DICER1: variants seen among roughly 807,000 people sequenced by gnomAD.
DICER1 encodes the protein dicer 1, ribonuclease III, also known as endoribonuclease Dicer.
DICER1 carries 43 observed loss-of-function variants against 194.1 expected under a neutral mutation model. The observed-to-expected ratio is 0.22, with a 90% CI of 0.17 to 0.29. The LOEUF (loss-of-function observed/expected upper bound fraction) is 0.29. Ranked by LOEUF, DICER1 falls within the 10% of genes least tolerant of loss-of-function variation. The probability of loss-of-function intolerance (pLI) is 1.00; values close to 1 mark genes in which losing one functional copy is unlikely to be tolerated. For missense variants in DICER1, 1,608 were observed against 2,317.0 expected (o/e 0.69, Z 6.28); for synonymous variants, 832 against 820.5 (o/e 1.01, Z -0.24).
chr14:95,107,839 T>A, intron 16 of DICER1, 41 bp downstream of exon 16: 1 of 1,608,526 alleles, frequency 6.2e-7, no homozygotes, highest in South Asian at 1.1e-5. Context: ...TATGTTTGTA[T>A]ATGTGTCTAG....
intron 21 of DICER1, among the ~76,000 whole-genome samples, chr14:95,103,036 G>A (rs1891028323): frequency 6.6e-6 from 1 of 152,156 alleles, no homozygotes; most frequent in African/African-American, 2.4e-5. Context: ...ATCCCCCTCA[G>A]GATCAAGGGG....
intron 1 of DICER1, among the ~76,000 whole-genome samples, chr14:95,152,420 A>G (rs1269541911): frequency 2.0e-5 from 3 of 152,268 alleles, no homozygotes; most frequent in Non-Finnish European, 4.4e-5. Context: ...TTCAAAAAGT[A>G]TTATAAATTA....
At chr14:95,122,126 T>C (rs937716351) in intron 8 of DICER1, among the ~76,000 whole-genome samples, 2 of 152,206 alleles carry the variant, frequency 1.3e-5, no homozygotes, top group Non-Finnish European at 2.9e-5. Flanking sequence ...TGATTCATCA[T>C]ACAGCACTAA....
intron 1 of DICER1, among the ~76,000 whole-genome samples, chr14:95,138,217 G>A (rs1293543274): frequency 6.7e-6 from 1 of 148,424 alleles, no homozygotes; most frequent in Non-Finnish European, 1.5e-5. Flanking sequence ...TTTTTTCTTA[G>A]CAAACACAAC....
At chr14:95,154,174 C>T (rs572003936) in intron 1 of DICER1, among the ~76,000 whole-genome samples, 6 of 152,270 alleles carry the variant, frequency 3.9e-5, no homozygotes, top group African/African-American at 1.4e-4. Context: ...ATGATTGGAA[C>T]CAAGATCGTA....
At chr14:95,132,133 T>A (rs1365389289) in intron 3 of DICER1, among the ~76,000 whole-genome samples, 1 of 152,230 alleles carries the variant, frequency 6.6e-6, no homozygotes. Flanking sequence ...AAGCAGCATG[T>A]AACTTTATTA....
At position 95,113,136 on chromosome 14, in the gene DICER1, T is replaced by C. The variant is rs765014294; in HGVS notation, c.1996A>G (p.Thr666Ala). 1 of 1,613,608 alleles carries C rather than the reference T, an allele frequency of 6.2e-7. No individual in the cohort carries two copies. Among genetic ancestry groups the C allele is most frequent in the South Asian group, 1.1e-5 (1 of 91,068 alleles). Residue 666 changes from threonine (T) to alanine (A), a missense_variant, in exon 12 of 27, where the codon ACT becomes GCT. Transcript: ENST00000343455. Reference sequence around the variant, plus strand: ...GGTGAGTTAATTGGCAGATAAAGAGTTGAATAAAATGTACCATCAGGCAAC... The same window carrying C: ...GGTGAGTTAATTGGCAGATAAAGAGCTGAATAAAATGTACCATCAGGCAAC... ...RELPDGTFYS[T>A]LYLPINSPLR...
At chr14:95,122,072 T>C (rs532802915) in intron 8 of DICER1, among the ~76,000 whole-genome samples, 5 of 152,332 alleles carry the variant, frequency 3.3e-5, no homozygotes, top group African/African-American at 1.2e-4. Flanking sequence ...ACCTCTATTG[T>C]ATATTTAATT....
intron 5 of DICER1, 125 bp downstream of exon 5, chr14:95,129,933 T>A: frequency 2.4e-6 from 2 of 832,962 alleles, no homozygotes; most frequent in Non-Finnish European, 1.9e-6. Flanking sequence ...ATTCATTCAT[T>A]CATACACTGC....
intron 24 of DICER1, 55 bp from the exon 25 acceptor site, chr14:95,091,420 C>T (rs758254099): frequency 6.6e-7 from 1 of 1,518,330 alleles, no homozygotes; most frequent in Non-Finnish European, 9.1e-7. Flanking sequence ...TACAGGCAGT[C>T]CACAGATGTA....
intron 8 of DICER1, among the ~76,000 whole-genome samples, chr14:95,118,850 G>A (rs752192108): frequency 8.6e-5 from 13 of 151,826 alleles, no homozygotes; most frequent in African/African-American, 1.2e-4. Flanking sequence ...AGCTGGAAGT[G>A]GCCATCTAGA....
Position 95,124,684 on chromosome 14 carries a change from A to C in DICER1, c.904-16T>G. The stretch of plus-strand genomic sequence containing the variant: ...CTGATAGTATCTACAAAAAAAAGAA[A>C]AGAAAAAACCTAATGCCAAATAATA... On this transcript the variant is annotated splice_polypyrimidine_tract_variant and intron_variant, in intron 7 of 26. Coordinates refer to ENST00000343455, the MANE Select transcript of DICER1 (RefSeq NM_177438.3). This position sits in a 1 kb window ranked among gnomAD's most constrained non-coding sequence, Gnocchi z 4.5. 6.3e-7 allele frequency: 1 copy of C among 1,589,850 alleles called. No homozygotes were observed. The highest frequency in any genetic ancestry group is 1.1e-5 in the South Asian group (1 of 90,538).
At chr14:95,150,105 T>C (rs900386272) in intron 1 of DICER1, among the ~76,000 whole-genome samples, 2 of 152,226 alleles carry the variant, frequency 1.3e-5, no homozygotes, top group African/African-American at 4.8e-5. Context: ...AGAAACAATT[T>C]TAAAGTTCTT....
At chr14:95,095,602 G>T in intron 23 of DICER1, 1 of 584,422 alleles carries the variant, frequency 1.7e-6, no homozygotes, top group Non-Finnish European at 3.1e-6. Context: ...ACTGATGAGG[G>T]TATATGATAG....
chr14:95,112,476 T>A (rs1005416010), intron 12 of DICER1, among the ~76,000 whole-genome samples: 2 of 152,232 alleles, frequency 1.3e-5, no homozygotes, highest in Non-Finnish European at 2.9e-5. Flanking sequence ...ATTAAGATTT[T>A]ACAATTTTGA....
chr14:95,145,685 A>C (rs565648871), intron 1 of DICER1, among the ~76,000 whole-genome samples: 26 of 152,290 alleles, frequency 1.7e-4, no homozygotes, highest in African/African-American at 6.0e-4. Context: ...GAAAAAAAAA[A>C]CAATAATTTC....
In DICER1 at chr14:95,133,331, G is replaced by A. The variant is rs367797765; in HGVS notation, c.128C>T (p.Thr43Met). 55 of 1,613,894 alleles carry A rather than the reference G, an allele frequency of 3.4e-5. No homozygotes were observed. Among genetic ancestry groups the A allele is most frequent in the Admixed American group, 2.7e-4 (16 of 59,982 alleles). The change falls in exon 2 of 27, where the codon ACG (threonine) becomes ATG (methionine). Residue 43 changes from threonine to methionine, a missense_variant. Transcript: ENST00000343455. ...CATTAGTACCTGATATTTTCTTGGC[G>A]TATAAATGTTATCATGAATTGCTTC... ...QQEAIHDNIYTPRKYQVELLE... is the reference protein window; with the variant it reads ...QQEAIHDNIYMPRKYQVELLE...
intron 26 of DICER1, 96 bp from the exon 27 acceptor site, chr14:95,090,759 T>A (rs1340924952): frequency 1.4e-6 from 2 of 1,418,402 alleles, no homozygotes; most frequent in South Asian, 2.3e-5. Context: ...AGGAGTCCCA[T>A]GTATAAGCTG....
chr14:95,132,714 A>C, intron 2 of DICER1, 37 bp from the exon 3 acceptor site: 2 of 1,593,148 alleles, frequency 1.3e-6, no homozygotes, highest in Non-Finnish European at 1.7e-6. Context: ...TGCACTTCTT[A>C]CCTAAGTACA....
Sources: gnomAD v4.1 joint callset for allele counts (sites outside exome capture counted in the v4.1 genomes callset) on GRCh38, gnomAD v4.1.1 for gene constraint, Gnocchi (gnomAD v3.1) non-coding constraint, MANE v1.5 for transcripts, NCBI Gene and HGNC (gene_info 2026-07-23, HGNC 2026-07-21) for gene names.